LARGE1: variants seen among roughly 807,000 people sequenced by gnomAD.
LARGE1 encodes the protein LARGE xylosyl- and glucuronyltransferase 1, also known as xylosyl- and glucuronyltransferase LARGE1.
Under a neutral mutation model 87.6 loss-of-function variants are expected in LARGE1, and 43 were observed. That is an observed-to-expected ratio of 0.49 (90% CI 0.38 to 0.63). The LOEUF (loss-of-function observed/expected upper bound fraction) is 0.63. LARGE1 is among the 30% of genes least tolerant of loss of function. The pLI is 0.00. For missense variants in LARGE1, 802 were observed against 1,000.2 expected (o/e 0.80, Z 2.67); for synonymous variants, 434 against 394.6 (o/e 1.10, Z -1.18).
downstream of LARGE1, among the ~76,000 whole-genome samples, chr22:33,268,880 T>C (rs963066256): frequency 2.0e-5 from 3 of 152,210 alleles, 1 homozygote; most frequent in African/African-American, 7.2e-5. Context: ...TGGTAAACCT[T>C]CTGAATCTGG....
chr22:33,325,528 T>G (rs1937164408), intron 10 of LARGE1, among the ~76,000 whole-genome samples: 1 of 152,242 alleles, frequency 6.6e-6, no homozygotes. Flanking sequence ...GCAGAAAAAC[T>G]ACCTGCCAAT....
At chr22:33,221,637 C>T (rs1459475861) in intron 11 of LARGE1, 1 of 152,200 alleles carries the variant, frequency 6.6e-6, no homozygotes, top group African/African-American at 2.4e-5. Flanking sequence ...TTATACCTCT[C>T]CCCAGTCCAT....
At chr22:33,769,090 T>C (rs2084989889) in intron 1 of LARGE1, among the ~76,000 whole-genome samples, 1 of 152,206 alleles carries the variant, frequency 6.6e-6, no homozygotes, top group African/African-American at 2.4e-5. Context: ...GATTGCAAAT[T>C]TGTTACAACA....
chr22:33,174,523 A>G (rs1443916588), intron 11 of LARGE1, among the ~76,000 whole-genome samples: 1 of 152,126 alleles, frequency 6.6e-6, no homozygotes, highest in African/African-American at 2.4e-5. Flanking sequence ...GGCATGAAAA[A>G]CCCTTCAAAA....
chr22:33,119,301 T>A, the LARGE1 span, among the ~76,000 whole-genome samples: 1 of 152,202 alleles, frequency 6.6e-6, no homozygotes, highest in South Asian at 2.1e-4. Context: ...TCTCTTTAAG[T>A]AAGAATCTGG....
At chr22:33,650,309 G>C in intron 3 of LARGE1, 58 bp downstream of exon 3, 1 of 1,600,746 alleles carries the variant, frequency 6.2e-7, no homozygotes, top group Non-Finnish European at 8.6e-7. Context: ...CATTTGCAAG[G>C]GGTGAGGGCA....
intron 6 of LARGE1, among the ~76,000 whole-genome samples, chr22:33,476,877 C>T (rs113481147): frequency 0.03 from 4,521 of 152,214 alleles, 219 homozygotes; most frequent in African/African-American, 0.1. Flanking sequence ...TTTTCATGCA[C>T]GCAACATGCA....
chr22:33,516,692 C>T (rs111749418), intron 6 of LARGE1, among the ~76,000 whole-genome samples: 54 of 152,092 alleles, frequency 3.6e-4, no homozygotes, highest in South Asian at 2.1e-3. Flanking sequence ...CGGGTTCAAG[C>T]GATTCTCCTG....
At chr22:33,576,107 T>C (rs2078344284) in intron 5 of LARGE1, among the ~76,000 whole-genome samples, 1 of 152,238 alleles carries the variant, frequency 6.6e-6, no homozygotes, top group Non-Finnish European at 1.5e-5. Flanking sequence ...CGTAGCCTGA[T>C]CTTAATAATT....
chr22:33,473,172 T>C (rs1017206912), intron 6 of LARGE1, among the ~76,000 whole-genome samples: 1 of 152,022 alleles, frequency 6.6e-6, no homozygotes, highest in African/African-American at 2.4e-5. Context: ...ATCTCTCTTT[T>C]TTTTTTTTTC....
intron 1 of LARGE1, among the ~76,000 whole-genome samples, chr22:33,762,213 C>CAAAAAAAAAAAAA (rs56832457): frequency 3.6e-5 from 3 of 84,478 alleles, no homozygotes; most frequent in African/African-American, 1.5e-4. Flanking sequence ...GATTCTATCT[C>CAAAAAAAAAAAAA]AAAAAAAAAA....
At chr22:33,107,898 A>T in the LARGE1 span, among the ~76,000 whole-genome samples, 42 of 151,548 alleles carry the variant, frequency 2.8e-4, no homozygotes, top group Non-Finnish European at 5.9e-4. Context: ...TAATTTTATG[A>T]TTTTCTCATT....
chr22:33,698,293 T>C (rs941961735), intron 2 of LARGE1, among the ~76,000 whole-genome samples: 2 of 149,694 alleles, frequency 1.3e-5, no homozygotes, highest in Admixed American at 6.7e-5. Context: ...AGGCTGGTCT[T>C]GAACTCCTAG....
chr22:33,696,722 T>C (rs944835716), intron 2 of LARGE1, among the ~76,000 whole-genome samples: 3 of 151,840 alleles, frequency 2.0e-5, no homozygotes, highest in Non-Finnish European at 4.4e-5. Flanking sequence ...TGGCATCTCA[T>C]TGTGGTCTTT....
At chr22:33,357,726 A>T (rs949884543) in intron 9 of LARGE1, among the ~76,000 whole-genome samples, 1 of 151,258 alleles carries the variant, frequency 6.6e-6, no homozygotes, top group Non-Finnish European at 1.5e-5. Context: ...CCCGGGAGGC[A>T]GAGGTTGAGG....
At chr22:33,481,408 T>G (rs572402994) in intron 6 of LARGE1, among the ~76,000 whole-genome samples, 1 of 152,200 alleles carries the variant, frequency 6.6e-6, no homozygotes, top group East Asian at 1.9e-4. Context: ...GGCCATTATT[T>G]TTTTAAATGC....
At chr22:33,521,696 A>G (rs750613542) in intron 6 of LARGE1, among the ~76,000 whole-genome samples, 3 of 152,180 alleles carry the variant, frequency 2.0e-5, no homozygotes, top group Non-Finnish European at 4.4e-5. Context: ...GCAAACACAT[A>G]TACATACACC....
intron 11 of LARGE1, among the ~76,000 whole-genome samples, chr22:33,188,191 G>T (rs1466694588): frequency 1.3e-5 from 2 of 151,966 alleles, no homozygotes; most frequent in African/African-American, 2.4e-5. Flanking sequence ...AAATACTCTT[G>T]TTCATAAGTC....
At chr22:33,711,015 C>A (rs1444087245) in intron 2 of LARGE1, among the ~76,000 whole-genome samples, 1 of 152,110 alleles carries the variant, frequency 6.6e-6, no homozygotes. Context: ...ATTTATTGTG[C>A]CCCTACTGTG....
Sources: allele counts gnomAD v4.1 joint callset (sites outside exome capture counted in the v4.1 genomes callset), GRCh38; gene constraint gnomAD v4.1.1; transcripts MANE v1.5; gene names NCBI Gene and HGNC (gene_info 2026-07-23, HGNC 2026-07-21).